MBD5: variants seen among roughly 807,000 people sequenced by gnomAD.
MBD5 encodes the protein methyl-CpG binding domain protein 5, also known as methyl-CpG-binding domain protein 5.
In MBD5, 13 loss-of-function variants were observed where a neutral mutation model predicts 117.3. The observed-to-expected ratio is 0.11, with a 90% confidence interval of 0.07 to 0.18. The LOEUF (loss-of-function observed/expected upper bound fraction) is 0.18. MBD5 is among the 10% of genes least tolerant of loss of function. The pLI is 1.00. For synonymous variants in MBD5, 727 were observed against 766.4 expected (o/e 0.95, Z 0.85); for missense variants, 1,879 against 2,093.8 (o/e 0.90, Z 2.00).
chr2:148,210,832 TCTA>T, intron 2 of MBD5, among the ~76,000 whole-genome samples: 1 of 152,264 alleles, frequency 6.6e-6, no homozygotes, highest in Non-Finnish European at 1.5e-5. Flanking sequence ...TTTTTTCACT[TCTA>T]CTAAACTTTC....
chr2:148,226,612 T>C (rs567813064), intron 2 of MBD5, among the ~76,000 whole-genome samples: 9 of 152,240 alleles, frequency 5.9e-5, no homozygotes, highest in East Asian at 3.9e-4. Flanking sequence ...ATTTATAATC[T>C]TTTGGGTATA....
chr2:148,479,734 T>TTA (rs1681088596), intron 8 of MBD5, among the ~76,000 whole-genome samples: 1 of 150,794 alleles, frequency 6.6e-6, no homozygotes, highest in East Asian at 1.9e-4. Context: ...TTTTTTTTTT[T>TTA]ATCATCTTGC....
In MBD5 at chr2:148,469,419, A is replaced by G; in HGVS notation, c.1476A>G (p.Ser492=). 1 of 1,613,810 alleles carries G rather than the reference A, an allele frequency of 6.2e-7. No individual in the cohort carries two copies. The highest frequency in any genetic ancestry group is 8.5e-7 in the Non-Finnish European group (1 of 1,179,880). ...TSSGIKVPPR[S]PRSTIGSPRP... ...GTGGTATTAAGGTTCCACCCAGGTC[A>G]CCAAGGTCAACAATAGGGTCCCCAA... The change falls in exon 8 of 14, where the codon TCA becomes TCG. Residue 492 remains serine, a synonymous_variant. Transcript: ENST00000642680.
At chr2:148,217,138 A>C (rs1002253312) in intron 2 of MBD5, among the ~76,000 whole-genome samples, 1 of 152,148 alleles carries the variant, frequency 6.6e-6, no homozygotes, top group African/African-American at 2.4e-5. Context: ...TAGGGTGGAC[A>C]CAGTGTTTTT....
chr2:148,156,799 T>C (rs1697887539), intron 1 of MBD5, among the ~76,000 whole-genome samples: 1 of 152,208 alleles, frequency 6.6e-6, no homozygotes, highest in Admixed American at 6.5e-5. Flanking sequence ...CATAAACTTA[T>C]AGGTCATTTA....
intron 3 of MBD5, among the ~76,000 whole-genome samples, chr2:148,328,661 G>T (rs1229402199): frequency 2.0e-5 from 3 of 152,256 alleles, no homozygotes; most frequent in Non-Finnish European, 2.9e-5. Context: ...CTGACCCCTT[G>T]CGCTTCCCGA....
intron 1 of MBD5, chr2:148,053,890 T>G (rs1370689088): frequency 6.6e-6 from 1 of 150,606 alleles, no homozygotes; most frequent in Non-Finnish European, 1.5e-5. Flanking sequence ...TTGTATCATT[T>G]TATCTTTCTT....
At chr2:148,200,692 CAAAAAAAAAA>C (rs770296644) in intron 2 of MBD5, among the ~76,000 whole-genome samples, 2 of 57,744 alleles carry the variant, frequency 3.5e-5, no homozygotes, top group African/African-American at 1.2e-4. Flanking sequence ...GACTCTATCT[CAAAAAAAAAA>C]AAAAAAAGAA....
chr2:148,030,677 TTAGCATTACTTGGATTTATTTG>T (rs755085332), intron 1 of MBD5, among the ~76,000 whole-genome samples: 10 of 152,216 alleles, frequency 6.6e-5, no homozygotes, highest in Non-Finnish European at 1.5e-4. Flanking sequence ...TATTTAATCT[TTAGCATTACTTGGATTTATTTG>T]TAGCAATAAG....
At chr2:148,298,636 C>T (rs992434809) in intron 3 of MBD5, among the ~76,000 whole-genome samples, 1 of 152,206 alleles carries the variant, frequency 6.6e-6, no homozygotes, top group East Asian at 1.9e-4. Flanking sequence ...ATCTTTTGGA[C>T]AGTATCCCAT....
In MBD5 at chr2:148,294,268, A is replaced by C. The variant is rs545278086; in HGVS notation, c.-679-47946A>C. Among the ~76,000 whole-genome samples the C allele has an allele frequency of 6.3e-4, 87 of 138,858 alleles. 1 individual carries two copies. The highest frequency in any genetic ancestry group is 1.9e-3 in the African/African-American group (66 of 35,104). The allele number at this position is 138,858 out of a possible 152,430, so 91.1% of individuals were successfully genotyped here. A position where few individuals can be genotyped will look rare whatever the true frequency, so the allele number is the denominator to read the frequency against. Reference sequence around the variant, plus strand: ...GAGACAGAGTCTTGCTCTGTCATTCAGGCTGGAGTGCAGTGGCGTGATCTC... The same window carrying C: ...GAGACAGAGTCTTGCTCTGTCATTCCGGCTGGAGTGCAGTGGCGTGATCTC... On this transcript the variant is annotated intron_variant, in intron 3 of 13. Transcript: ENST00000642680.
chr2:148,201,909 A>G (rs1489370459), intron 2 of MBD5, among the ~76,000 whole-genome samples: 1 of 152,198 alleles, frequency 6.6e-6, no homozygotes, highest in East Asian at 1.9e-4. Context: ...AGGAAAGGGT[A>G]GGTACATGTA....
intron 4 of MBD5, among the ~76,000 whole-genome samples, chr2:148,438,562 C>T (rs772577936): frequency 6.6e-6 from 1 of 152,012 alleles, no homozygotes; most frequent in Non-Finnish European, 1.5e-5. Context: ...TTCTTGATAC[C>T]AAATCTATAT....
intron 1 of MBD5, among the ~76,000 whole-genome samples, chr2:148,149,997 A>G (rs1253103263): frequency 7.4e-6 from 1 of 135,994 alleles, no homozygotes; most frequent in East Asian, 2.1e-4. Context: ...TTGGTGTTTT[A>G]GACATGAAGT....
chr2:148,072,553 A>G (rs1187622102), intron 1 of MBD5, among the ~76,000 whole-genome samples: 2 of 152,188 alleles, frequency 1.3e-5, no homozygotes. Context: ...ATATATACCA[A>G]CCAAAGGTTT....
At chr2:148,073,750 T>C (rs1364434916) in intron 1 of MBD5, among the ~76,000 whole-genome samples, 1 of 152,134 alleles carries the variant, frequency 6.6e-6, no homozygotes, top group Non-Finnish European at 1.5e-5. Flanking sequence ...TTACTTGAGA[T>C]TGAGAAAAAT....
At position 148,516,917 on chromosome 2, in the gene MBD5, T is replaced by C. The variant is rs1455293505; in HGVS notation, c.*3976T>C. ...ATGGCTTCATAATATACAAATGTGT[T>C]TTGTAACATCATGCCTTTATGGATT... On this transcript the variant is annotated 3_prime_UTR_variant, in exon 14 of 14. Coordinates refer to ENST00000642680, the MANE Select transcript of MBD5 (RefSeq NM_001378120.1). 6.6e-6 allele frequency: 1 copy of C among 152,226 alleles called. No individual in the cohort carries two copies. Among genetic ancestry groups the C allele is most frequent in the East Asian group, 1.9e-4 (1 of 5,200 alleles). The allele number at this position is 152,226 out of a possible 1,614,324, so 9.4% of individuals were successfully genotyped here.
rs143217350 is a variant in MBD5 at position 148,048,776 on chromosome 2, T to G, written c.-925+27092T>G. ...CTGAATGTACTCAGGGGAAACTCTG[T>G]GGTTGAAAAGTCCCCCAGAAGGCCT... On this transcript the variant is annotated intron_variant, in intron 1 of 13. Transcript: ENST00000642680. 2.4e-3 allele frequency among the ~76,000 whole-genome samples: 369 copies of G among 152,250 alleles called. 2 individuals carry two copies. Among genetic ancestry groups the G allele is most frequent in the African/African-American group, 8.2e-3 (342 of 41,552 alleles).
intron 3 of MBD5, among the ~76,000 whole-genome samples, chr2:148,337,762 G>A (rs1280302186): frequency 5.9e-5 from 9 of 152,050 alleles, no homozygotes; most frequent in Admixed American, 5.9e-4. Context: ...CCTATTCTCA[G>A]ACACAGATAA....
Sources: gnomAD v4.1 joint callset for allele counts (sites outside exome capture counted in the v4.1 genomes callset) on GRCh38, gnomAD v4.1.1 for gene constraint, MANE v1.5 for transcripts, NCBI Gene and HGNC (gene_info 2026-07-23, HGNC 2026-07-21) for gene names.